The following ZNF704 variants were observed in gnomAD, a reference collection of about 807,000 sequenced individuals.
ZNF704 encodes the protein zinc finger protein 704, also known as glucocorticoid induced gene 1.
Under a neutral mutation model 44.7 loss-of-function variants are expected in ZNF704, and 10 were observed. The ratio of observed to expected loss-of-function variants is 0.22; its 90% CI spans 0.14 to 0.38. ZNF704 has a LOEUF of 0.38. Among genes scored for constraint, ZNF704 ranks in the 10% least tolerant of loss-of-function variants. ZNF704 has a pLI of 1.00. For synonymous variants in ZNF704, 211 were observed against 207.6 expected (o/e 1.02, Z -0.14); for missense variants, 390 against 545.5 (o/e 0.71, Z 2.84).
rs1818833869 is a variant in ZNF704, at chr8:80,702,834, G to T, written c.222-9727C>A. Among the ~76,000 whole-genome samples, 4 of 152,114 alleles carry T rather than the reference G, an allele frequency of 2.6e-5. No homozygotes were observed. The South Asian group carries it at 8.3e-4, about 32-fold the overall frequency. The stretch of plus-strand genomic sequence containing the variant: ...GGCAGAGGTGAAAGTCGCTGGATCG[G>T]AAATGGCGAGGCTGATGTCATCCGG... On this transcript the variant is annotated intron_variant, in intron 2 of 8. Coordinates refer to ENST00000327835, the MANE Select transcript of ZNF704 (RefSeq NM_001033723.3).
intron 8 of ZNF704, 92 bp from the exon 9 acceptor site, chr8:80,641,569 GAAAAA>G (rs60295176): frequency 2.5e-4 from 90 of 361,000 alleles, no homozygotes; most frequent in East Asian, 4.7e-4. Context: ...AGTGAGGGAG[GAAAAA>G]AAAAAAAAAA....
At chr8:80,720,725 C>T (rs990685471) in intron 2 of ZNF704, among the ~76,000 whole-genome samples, 3 of 152,220 alleles carry the variant, frequency 2.0e-5, no homozygotes, top group Non-Finnish European at 4.4e-5. Flanking sequence ...GAACTGTATT[C>T]CCACAGCCCT....
At chr8:80,804,548 A>G (rs1347795584) in intron 2 of ZNF704, among the ~76,000 whole-genome samples, 2 of 152,212 alleles carry the variant, frequency 1.3e-5, no homozygotes, top group Non-Finnish European at 2.9e-5. Flanking sequence ...GGTGGAAGCC[A>G]TTATCCTCAG....
At chr8:80,652,702 G>A (rs1817943321) in intron 7 of ZNF704, among the ~76,000 whole-genome samples, 2 of 152,148 alleles carry the variant, frequency 1.3e-5, no homozygotes, top group South Asian at 4.1e-4. Flanking sequence ...AAAAAGTCCA[G>A]GACCAGATGG....
At position 80,629,266 on chromosome 8, in the gene ZNF704, A is replaced by T. The variant is rs894888794; in HGVS notation, c.*12100T>A. On this transcript the variant is annotated 3_prime_UTR_variant, in exon 9 of 9. Transcript: ENST00000327835. Reference sequence around the variant, plus strand: ...CTCCACAGGCTGTATTTACAGTCAGACAGGTATTCAGAAATGTGTATCAGA... The same window carrying T: ...CTCCACAGGCTGTATTTACAGTCAGTCAGGTATTCAGAAATGTGTATCAGA... 3 of 152,252 alleles carry T rather than the reference A, an allele frequency of 2.0e-5. No homozygotes were observed. The highest frequency in any genetic ancestry group is 7.2e-5 in the African/African-American group (3 of 41,470). The allele number at this position is 152,252 out of a possible 1,614,324, so 9.4% of individuals were successfully genotyped here. A position where few individuals can be genotyped will look rare whatever the true frequency, so the allele number is the denominator to read the frequency against.
chr8:80,702,238 G>T (rs551882548), intron 2 of ZNF704, among the ~76,000 whole-genome samples: 14 of 152,302 alleles, frequency 9.2e-5, no homozygotes, highest in Non-Finnish European at 1.5e-4. Context: ...GGAAGCTGAT[G>T]CTTCTCTCTG....
chr8:80,881,770 A>G, the ZNF704 span, among the ~76,000 whole-genome samples: 1 of 152,156 alleles, frequency 6.6e-6, no homozygotes, highest in Admixed American at 6.5e-5. Context: ...TCTACTAAAA[A>G]TACAAAAATT....
At chr8:80,840,227 C>T (rs1288864563) in intron 1 of ZNF704, among the ~76,000 whole-genome samples, 1 of 152,250 alleles carries the variant, frequency 6.6e-6, no homozygotes, top group Non-Finnish European at 1.5e-5. Flanking sequence ...CAACCCATGG[C>T]CTGCGGGCCG....
chr8:80,862,302 A>T (rs947127667), intron 1 of ZNF704, among the ~76,000 whole-genome samples: 2 of 152,096 alleles, frequency 1.3e-5, no homozygotes, highest in African/African-American at 4.8e-5. Context: ...AAACTATATC[A>T]TTTCTATTAT....
intron 2 of ZNF704, among the ~76,000 whole-genome samples, chr8:80,761,163 A>C (rs1414339376): frequency 6.6e-6 from 1 of 152,186 alleles, no homozygotes; most frequent in East Asian, 1.9e-4. Flanking sequence ...ACATGAGGAC[A>C]CAGCAAGAAG....
intron 2 of ZNF704, among the ~76,000 whole-genome samples, chr8:80,719,044 G>C (rs1585978455): frequency 1.3e-5 from 2 of 152,018 alleles, no homozygotes; most frequent in East Asian, 1.9e-4. Context: ...GGCTTGCACT[G>C]CAGCCTCTAC....
chr8:80,870,734 C>T (rs551087726), intron 1 of ZNF704, among the ~76,000 whole-genome samples: 1 of 152,088 alleles, frequency 6.6e-6, no homozygotes, highest in Non-Finnish European at 1.5e-5. Context: ...TCTCTTGGCC[C>T]CCTGCACTCC....
chr8:80,753,964 G>A (rs892349032), intron 2 of ZNF704, among the ~76,000 whole-genome samples: 14 of 152,094 alleles, frequency 9.2e-5, no homozygotes, highest in African/African-American at 3.1e-4. Context: ...TTCACTTCCA[G>A]GCGAAGTGAT....
At chr8:80,664,341 G>A (rs972569105) in intron 6 of ZNF704, among the ~76,000 whole-genome samples, 5 of 149,644 alleles carry the variant, frequency 3.3e-5, no homozygotes, top group South Asian at 4.2e-4. Context: ...GTGGGATCTC[G>A]GCTCACCGCA....
At chr8:80,756,300 G>A (rs1807033835) in intron 2 of ZNF704, among the ~76,000 whole-genome samples, 1 of 152,048 alleles carries the variant, frequency 6.6e-6, no homozygotes, top group Non-Finnish European at 1.5e-5. Flanking sequence ...CCACTACAAT[G>A]GAAACAATGA....
chr8:80,828,128 T>A (rs1233995506), intron 1 of ZNF704, among the ~76,000 whole-genome samples: 1 of 152,086 alleles, frequency 6.6e-6, no homozygotes, highest in Non-Finnish European at 1.5e-5. Flanking sequence ...GAAACTACCA[T>A]CAGAGTGAAC....
chr8:80,735,383 T>G (rs181467126), intron 2 of ZNF704, among the ~76,000 whole-genome samples: 5 of 152,374 alleles, frequency 3.3e-5, no homozygotes, highest in Admixed American at 1.3e-4. Flanking sequence ...TTCTTTGAAC[T>G]TGCATTTTAC....
At chr8:80,711,782 A>G (rs985602905) in intron 2 of ZNF704, among the ~76,000 whole-genome samples, 1 of 152,238 alleles carries the variant, frequency 6.6e-6, no homozygotes, top group African/African-American at 2.4e-5. Context: ...ATTATGTCTG[A>G]TTCATCTATT....
intron 3 of ZNF704, among the ~76,000 whole-genome samples, chr8:80,692,005 T>G (rs1818646145): frequency 6.6e-6 from 1 of 152,086 alleles, no homozygotes; most frequent in African/African-American, 2.4e-5. Flanking sequence ...CTACCTGCAC[T>G]GTGACCACCA....
Sources: allele counts gnomAD v4.1 joint callset (sites outside exome capture counted in the v4.1 genomes callset), GRCh38; gene constraint gnomAD v4.1.1; transcripts MANE v1.5; gene names NCBI Gene and HGNC (gene_info 2026-07-23, HGNC 2026-07-21).